RNF152: variants seen among roughly 807,000 people sequenced by gnomAD.
RNF152 encodes E3 ubiquitin-protein ligase RNF152.
Under a neutral mutation model 12.7 loss-of-function variants are expected in RNF152, and 11 were observed. That is an observed-to-expected ratio of 0.86 (90% CI 0.54 to 1.43). The LOEUF (loss-of-function observed/expected upper bound fraction) is 1.43, where lower values mean the gene tolerates loss of function less well. Among genes scored for constraint, RNF152 ranks in the 40% most tolerant of loss-of-function variants. RNF152 has a pLI of 0.00. For missense variants in RNF152, 255 were observed against 274.8 expected, an observed-to-expected ratio of 0.93 and a Z score of 0.51; for synonymous variants, 113 against 120.3, an observed-to-expected ratio of 0.94 and a Z score of 0.40.
intron 1 of RNF152, among the ~76,000 whole-genome samples, chr18:61,863,558 GA>G (rs1254080200): frequency 6.6e-6 from 1 of 152,100 alleles, no homozygotes; most frequent in Non-Finnish European, 1.5e-5. Context: ...TATCTTTGGG[GA>G]AAAAACTAAG....
At chr18:61,839,137 C>G (rs2144666846) in intron 1 of RNF152, among the ~76,000 whole-genome samples, 1 of 152,212 alleles carries the variant, frequency 6.6e-6, no homozygotes, top group East Asian at 1.9e-4. Context: ...CCCGTTATCC[C>G]CATATGCTCC....
intron 1 of RNF152, among the ~76,000 whole-genome samples, chr18:61,891,553 T>C (rs1303742237): frequency 2.0e-5 from 3 of 152,204 alleles, no homozygotes; most frequent in Admixed American, 6.5e-5. Context: ...GACATAAAAA[T>C]TACTTGTCAA....
intron 1 of RNF152, among the ~76,000 whole-genome samples, chr18:61,861,571 G>A (rs1006625401): frequency 2.0e-5 from 3 of 152,124 alleles, no homozygotes; most frequent in Non-Finnish European, 2.9e-5. Flanking sequence ...TACATGTTAC[G>A]CTTAGTGTCT....
chr18:61,852,002 T>C (rs1362356658), intron 1 of RNF152, among the ~76,000 whole-genome samples: 1 of 152,134 alleles, frequency 6.6e-6, no homozygotes, highest in Non-Finnish European at 1.5e-5. Context: ...ATGAGGCAAA[T>C]GACGTCACCT....
chr18:61,821,706 A>AACC (rs1909421250), intron 1 of RNF152, among the ~76,000 whole-genome samples: 6 of 152,198 alleles, frequency 3.9e-5, no homozygotes, highest in African/African-American at 1.4e-4. Flanking sequence ...TACATAGCAG[A>AACC]AGGTCAGCAG....
chr18:61,857,694 TAAAC>T (rs111801758), intron 1 of RNF152, among the ~76,000 whole-genome samples: 14,511 of 151,904 alleles, frequency 0.096, 697 homozygotes, highest in Middle Eastern at 0.13. Flanking sequence ...CACCAGTCAT[TAAAC>T]AAACAAACAA....
At chr18:61,867,435 G>C (rs1911785735) in intron 1 of RNF152, among the ~76,000 whole-genome samples, 1 of 151,690 alleles carries the variant, frequency 6.6e-6, no homozygotes, top group African/African-American at 2.4e-5. Context: ...CTGGGCGACA[G>C]AGTGAGACAC....
At chr18:61,839,017 C>G (rs1314621167) in intron 1 of RNF152, among the ~76,000 whole-genome samples, 1 of 148,492 alleles carries the variant, frequency 6.7e-6, no homozygotes, top group African/African-American at 2.5e-5. Flanking sequence ...TCTACAACTT[C>G]AGTAAACATA....
chr18:61,833,432 C>T (rs954699264), intron 1 of RNF152, among the ~76,000 whole-genome samples: 1 of 152,200 alleles, frequency 6.6e-6, no homozygotes, highest in Non-Finnish European at 1.5e-5. Flanking sequence ...TGCCCCACTG[C>T]TACAGCTGCA....
At chr18:61,821,128 A>G (rs929148521) in intron 1 of RNF152, among the ~76,000 whole-genome samples, 1 of 152,224 alleles carries the variant, frequency 6.6e-6, no homozygotes, top group Admixed American at 6.5e-5. Flanking sequence ...GCTTGGGAGG[A>G]GGCATGCAAG....
intron 1 of RNF152, among the ~76,000 whole-genome samples, chr18:61,859,415 A>G (rs1911363642): frequency 6.6e-6 from 1 of 152,226 alleles, no homozygotes; most frequent in South Asian, 2.1e-4. Flanking sequence ...CGTCAGAGAC[A>G]TAATTGCAAG....
At chr18:61,825,839 C>A (rs1372791659) in intron 1 of RNF152, among the ~76,000 whole-genome samples, 1 of 152,162 alleles carries the variant, frequency 6.6e-6, no homozygotes, top group Non-Finnish European at 1.5e-5. Context: ...ATAAAATGAA[C>A]TACACATGTT....
At chr18:61,833,164 A>C (rs956532953) in intron 1 of RNF152, among the ~76,000 whole-genome samples, 1 of 152,244 alleles carries the variant, frequency 6.6e-6, no homozygotes, top group African/African-American at 2.4e-5. Context: ...CTGAAGATGT[A>C]GCAATACTAG....
chr18:61,866,434 C>A (rs959515272), intron 1 of RNF152, among the ~76,000 whole-genome samples: 1 of 122,586 alleles, frequency 8.2e-6, no homozygotes, highest in Non-Finnish European at 1.7e-5. Context: ...TCTGCGAGGA[C>A]AAGATTCACA....
intron 1 of RNF152, among the ~76,000 whole-genome samples, chr18:61,828,515 C>T (rs1318936327): frequency 6.6e-6 from 1 of 152,194 alleles, no homozygotes; most frequent in Non-Finnish European, 1.5e-5. Context: ...GCCACCAACT[C>T]ATGGCCTCAA....
intron 1 of RNF152, among the ~76,000 whole-genome samples, chr18:61,844,090 G>GAAAGAAAGAAAGAAAGAAAGAAAGAA (rs1568275195): frequency 0.018 from 1,649 of 91,806 alleles, 52 homozygotes; most frequent in Non-Finnish European, 0.028. Context: ...AAGAAAGAAA[G>GAAAGAAAGAAAGAAAGAAAGAAAGAA]AAAGAAAGAA....
intron 1 of RNF152, among the ~76,000 whole-genome samples, chr18:61,870,967 C>G (rs1208796069): frequency 1.3e-5 from 2 of 152,192 alleles, no homozygotes; most frequent in African/African-American, 4.8e-5. Context: ...CATCAGACAT[C>G]CCCGACCCCA....
intron 1 of RNF152, among the ~76,000 whole-genome samples, chr18:61,860,633 G>A (rs1406659211): frequency 2.0e-5 from 3 of 152,178 alleles, no homozygotes; most frequent in Admixed American, 1.3e-4. Context: ...ACTGGTTTCT[G>A]CATTTACTGT....
chr18:61,881,297 G>A (rs190735557), intron 1 of RNF152, among the ~76,000 whole-genome samples: 4 of 152,234 alleles, frequency 2.6e-5, no homozygotes, highest in Admixed American at 1.3e-4. Context: ...AGATTATAGC[G>A]AACGACACCA....
Sources: allele counts gnomAD v4.1 joint callset (sites outside exome capture counted in the v4.1 genomes callset), GRCh38; gene constraint gnomAD v4.1.1; transcripts MANE v1.5; gene names NCBI Gene and HGNC (gene_info 2026-07-23, HGNC 2026-07-21).